Variants in ITGAM observed in about 807,000 individuals in gnomAD.
The protein encoded by ITGAM is integrin alpha-M.
A neutral mutation model predicts 137.5 loss-of-function variants in ITGAM; 79 were observed. That is an observed-to-expected ratio of 0.57 (90% CI 0.48 to 0.69). The LOEUF is 0.69. Among genes scored for constraint, ITGAM ranks in the 30% least tolerant of loss-of-function variants. The pLI is 0.00. For missense variants in ITGAM, 1,343 were observed against 1,483.5 expected (o/e 0.91, Z 1.56); for synonymous variants, 583 against 592.3 (o/e 0.98, Z 0.23).
chr16:31,300,141 A>G (rs937073999), intron 14 of ITGAM, among the ~76,000 whole-genome samples: 1 of 152,136 alleles, frequency 6.6e-6, no homozygotes, highest in Non-Finnish European at 1.5e-5. Context: ...AAAAAAATCC[A>G]TCATTTCCTG....
intron 12 of ITGAM, among the ~76,000 whole-genome samples, chr16:31,279,578 T>C (rs2079945941): frequency 6.6e-6 from 1 of 152,206 alleles, no homozygotes; most frequent in Non-Finnish European, 1.5e-5. Flanking sequence ...CAGTTTTTGA[T>C]GGGGTTGTTT....
chr16:31,267,952 C>G (rs2079788468), intron 5 of ITGAM, among the ~76,000 whole-genome samples: 1 of 152,088 alleles, frequency 6.6e-6, no homozygotes, highest in African/African-American at 2.4e-5. Context: ...CCCAGCATCT[C>G]TTGAATCACT....
chr16:31,301,579 C>G (rs750362117), intron 14 of ITGAM, among the ~76,000 whole-genome samples: 19 of 152,118 alleles, frequency 1.2e-4, no homozygotes, highest in Non-Finnish European at 2.4e-4. Context: ...TTGGCACATA[C>G]TTATAAAAGC....
intron 25 of ITGAM, 55 bp downstream of exon 25, chr16:31,329,960 G>A (rs1055900912): frequency 3.9e-6 from 6 of 1,534,540 alleles, no homozygotes; most frequent in African/African-American, 1.4e-5. Flanking sequence ...TCTCACCTCT[G>A]TTAATGCTAT....
intron 7 of ITGAM, 82 bp downstream of exon 7, chr16:31,272,074 G>C: frequency 1.3e-6 from 2 of 1,545,916 alleles, no homozygotes; most frequent in South Asian, 1.1e-5. Context: ...GAGCCGTTCA[G>C]ACAGGGGTGG....
intron 2 of ITGAM, 81 bp from the exon 3 acceptor site, chr16:31,265,314 C>T: frequency 4.5e-6 from 3 of 667,536 alleles, no homozygotes; most frequent in African/African-American, 1.9e-5. Context: ...CCCCACCGTC[C>T]TCTGGGTGGC....
At chr16:31,318,483 A>T (rs2080415534) in intron 14 of ITGAM, among the ~76,000 whole-genome samples, 1 of 151,546 alleles carries the variant, frequency 6.6e-6, no homozygotes, top group Non-Finnish European at 1.5e-5. Flanking sequence ...AGCTGGCATT[A>T]CAAGCACGTG....
At chr16:31,263,802 A>AATTT (rs61363590) in intron 2 of ITGAM, among the ~76,000 whole-genome samples, 4,188 of 129,736 alleles carry the variant, frequency 0.032, 133 homozygotes, top group African/African-American at 0.079. Flanking sequence ...CACATACAAA[A>AATTT]ATTTATTTAT....
chr16:31,325,424 G>T lies in ITGAM; in HGVS notation c.2505+20G>T. The T allele has an allele frequency of 6.2e-7, 1 of 1,612,560 alleles. No homozygotes were observed. The highest frequency in any genetic ancestry group is 8.5e-7 in the Non-Finnish European group (1 of 1,179,082). The stretch of plus-strand genomic sequence containing the variant: ...CTCCAGGTAGCCACATCCTTCTCAG[G>T]CTCTATCTGACCTTTGCTTCCCCAT... On this transcript the variant is annotated intron_variant, in intron 20 of 29. Transcript: ENST00000544665.
At chr16:31,330,820 GAGAT>G (rs1275999217) in intron 28 of ITGAM, among the ~76,000 whole-genome samples, 38 of 151,792 alleles carry the variant, frequency 2.5e-4, no homozygotes, top group Non-Finnish European at 3.4e-4. Flanking sequence ...AAAGGAGAGA[GAGAT>G]AGAGAGTCAG....
At chr16:31,289,319 G>A (rs1299121626) in intron 12 of ITGAM, among the ~76,000 whole-genome samples, 1 of 152,056 alleles carries the variant, frequency 6.6e-6, no homozygotes, top group African/African-American at 2.4e-5. Flanking sequence ...TGTTTATTGC[G>A]GCTCTATTCA....
At chr16:31,331,123 A>G (rs2080576294) in intron 28 of ITGAM, 42 bp from the exon 29 acceptor site, 1 of 1,051,288 alleles carries the variant, frequency 9.5e-7, no homozygotes, top group Non-Finnish European at 1.5e-6. Context: ...ACCCCCAGAA[A>G]TCCAGAGTCG....
intron 2 of ITGAM, among the ~76,000 whole-genome samples, chr16:31,263,492 C>T (rs2079728321): frequency 6.6e-6 from 1 of 152,182 alleles, no homozygotes; most frequent in Non-Finnish European, 1.5e-5. Flanking sequence ...TACCTACTTC[C>T]TCATACTCCC....
intron 12 of ITGAM, among the ~76,000 whole-genome samples, chr16:31,283,634 A>C (rs1289067741): frequency 1.3e-5 from 2 of 152,050 alleles, no homozygotes; most frequent in African/African-American, 4.8e-5. Context: ...TCTTTTTACA[A>C]GGTTTTTAGC....
intron 12 of ITGAM, among the ~76,000 whole-genome samples, chr16:31,286,008 C>G (rs1229703123): frequency 6.6e-6 from 1 of 152,110 alleles, no homozygotes; most frequent in Non-Finnish European, 1.5e-5. Flanking sequence ...TCCTGCTCCT[C>G]CATCTGGTAG....
intron 14 of ITGAM, among the ~76,000 whole-genome samples, chr16:31,314,437 T>A (rs2080368959): frequency 6.6e-6 from 1 of 152,168 alleles, no homozygotes; most frequent in South Asian, 2.1e-4. Flanking sequence ...TAGTTTCAGT[T>A]TTTTGCATAT....
chr16:31,276,405 C>A (rs1167125324), intron 9 of ITGAM, among the ~76,000 whole-genome samples: 8 of 152,058 alleles, frequency 5.3e-5, no homozygotes, highest in Non-Finnish European at 1.2e-4. Flanking sequence ...GATCTTGGCT[C>A]ACTGCAACCT....
intron 10 of ITGAM, 23 bp from the exon 11 acceptor site, chr16:31,276,897 A>C: frequency 6.2e-7 from 1 of 1,606,256 alleles, no homozygotes; most frequent in Non-Finnish European, 8.5e-7. Context: ...TTCCTCATCA[A>C]CCCTGTTCTA....
At chr16:31,329,000 A>C (rs1326996666) in intron 23 of ITGAM, 2 of 609,558 alleles carry the variant, frequency 3.3e-6, no homozygotes, top group African/African-American at 3.7e-5. Context: ...GTATGTGCTC[A>C]TGGGTGTGCA....
Sources: gnomAD v4.1 joint callset for allele counts (sites outside exome capture counted in the v4.1 genomes callset) on GRCh38, gnomAD v4.1.1 for gene constraint, MANE v1.5 for transcripts, NCBI Gene and HGNC (gene_info 2026-07-23, HGNC 2026-07-21) for gene names.